Variants in CDC42BPG observed in about 807,000 individuals in gnomAD.
CDC42BPG encodes CDC42 binding protein kinase gamma, also known as serine/threonine-protein kinase MRCK gamma.
In CDC42BPG, 157 loss-of-function variants were observed where a neutral mutation model predicts 192.2. That is an observed-to-expected ratio of 0.82 (90% confidence interval 0.72 to 0.93). CDC42BPG has a LOEUF of 0.93. Among genes scored for constraint, CDC42BPG ranks in the 40% least tolerant of loss-of-function variants. The pLI is 0.00. For synonymous variants in CDC42BPG, 981 were observed against 918.5 expected (o/e 1.07, Z -1.23); for missense variants, 1,992 against 2,122.1 (o/e 0.94, Z 1.20).
Position 64,823,946 on chromosome 11 carries a change from T to C in CDC42BPG, c.*527A>G. On this transcript the variant is annotated 3_prime_UTR_variant, in exon 37 of 37. Coordinates refer to ENST00000342711, the MANE Select transcript of CDC42BPG (RefSeq NM_017525.3). ...CTCCTCCACTTCCTTCCTCCTATCC[T>C]GTCTCTCACCTCCTTCGCCTACATC... is the stretch of plus-strand genomic sequence containing the variant. The C allele has an allele frequency of 5.9e-6, 1 of 168,976 alleles. No individual in the cohort carries two copies. Among genetic ancestry groups the C allele is most frequent in the Non-Finnish European group, 1.3e-5 (1 of 77,614 alleles). 10.5% of individuals were successfully genotyped at this position (168,976 alleles called of 1,614,324 possible).
At position 64,834,919 on chromosome 11, in the gene CDC42BPG, G is replaced by A; in HGVS notation, c.2105C>T (p.Ala702Val). The change falls in exon 18 of 37, where the codon GCC becomes GTC. Residue 702 changes from alanine to valine, a missense_variant. Coordinates refer to ENST00000342711, the MANE Select transcript of CDC42BPG (RefSeq NM_017525.3). ...KVSRGYLQAL[A>V]TKMAEELESL... ...CTCCAGCTCCTCTGCCATCTTGGTG[G>A]CCAGGGCCTGCAGGTAGCCTCTTGA... The A allele has an allele frequency of 1.2e-6, 2 of 1,614,100 alleles. No individual in the cohort carries two copies. The highest frequency in any genetic ancestry group is 1.7e-6 in the Non-Finnish European group (2 of 1,180,026).
At position 64,833,317 on chromosome 11, in the gene CDC42BPG, C is replaced by T. The variant is rs201607802; in HGVS notation, c.2645G>A (p.Arg882His). 8.5e-5 allele frequency: 130 copies of T among 1,533,524 alleles called. No individual in the cohort carries two copies. Among genetic ancestry groups the T allele is most frequent in the Admixed American group, 2.0e-4 (10 of 50,052 alleles). The allele number at this position is 1,533,524 out of a possible 1,614,324, so 95.0% of individuals were successfully genotyped here. A position where few individuals can be genotyped will look rare whatever the true frequency, so the allele number is the denominator to read the frequency against. Residue 882 changes from arginine (R) to histidine (H), a missense_variant, in exon 24 of 37, where the codon CGC (arginine) becomes CAC (histidine). By Grantham distance (29) the Arg-to-His change is conservative. This residue lies in a region of CDC42BPG where 1,656 missense variants were observed against 1,844.3 expected (regional missense o/e 0.90). Coordinates refer to ENST00000342711, the MANE Select transcript of CDC42BPG (RefSeq NM_017525.3). Reference sequence around the variant, plus strand: ...GGTCGGGGATGGGAAGCTCCGGGGGCGCAGCGTGTGTGAGCCGGGCTGGGG... The same window carrying T: ...GGTCGGGGATGGGAAGCTCCGGGGGTGCAGCGTGTGTGAGCCGGGCTGGGG... ...LPAKPGSHTL[R>H]PRSFPSPTKC...
chr11:64,834,732 C>G (rs372027270), intron 18 of CDC42BPG, 117 bp downstream of exon 18: 1 of 1,318,838 alleles, frequency 7.6e-7, no homozygotes. Flanking sequence ...AAATCACTAT[C>G]TCTCATGAGC....
rs777601568 is a variant in CDC42BPG, at chr11:64,839,165, C to T, written c.744G>A (p.Glu248=). Residue 248 remains glutamate (E), a synonymous_variant, in exon 7 of 37, where the codon GAG becomes GAA. Coordinates refer to ENST00000342711, the MANE Select transcript of CDC42BPG (RefSeq NM_017525.3). ...ISPEILQAME[E]GKGHYGPQCD... is the part of the protein sequence containing the mutation. ...ACTGTGGGCCGTAGTGGCCCTTGCCCTCCTCCATGGCCTGCAGGATCTCAG... is the reference window on the plus strand; with the variant it reads ...ACTGTGGGCCGTAGTGGCCCTTGCCTTCCTCCATGGCCTGCAGGATCTCAG... The T allele has an allele frequency of 1.9e-6, 3 of 1,613,502 alleles. No individual in the cohort carries two copies. Among genetic ancestry groups the T allele is most frequent in the Non-Finnish European group, 8.5e-7 (1 of 1,180,048 alleles).
chr11:64,832,279 G>T (rs1942730255), intron 27 of CDC42BPG, 149 bp downstream of exon 27: 1 of 836,972 alleles, frequency 1.2e-6, no homozygotes, highest in African/African-American at 1.7e-5. Flanking sequence ...TCCTAAACGA[G>T]GTGAGACCGG....
In CDC42BPG at chr11:64,831,835, A is replaced by G. The variant is rs531816936; in HGVS notation, c.3088-114T>C. On this transcript the variant is annotated intron_variant, in intron 27 of 36. Coordinates refer to ENST00000342711, the MANE Select transcript of CDC42BPG (RefSeq NM_017525.3). The stretch of plus-strand genomic sequence containing the variant: ...GGGCCTAGCGTGCACTGTCAGCAGC[A>G]GGGAGTAGGCCAGACAGGCAAACAG... 3.2e-5 allele frequency: 29 copies of G among 913,548 alleles called. 1 individual carries two copies. The South Asian group carries it at 4.7e-4, about 15-fold the overall frequency. 56.6% of individuals were successfully genotyped at this position (913,548 alleles called of 1,614,324 possible). A position where few individuals can be genotyped will look rare whatever the true frequency, so the allele number is the denominator to read the frequency against.
chr11:64,837,070 G>T, intron 9 of CDC42BPG, 51 bp from the exon 10 acceptor site: 1 of 1,395,046 alleles, frequency 7.2e-7, no homozygotes, highest in Non-Finnish European at 1.0e-6. Context: ...ACCCCACAGA[G>T]TCTCCTCCAT....
chr11:64,837,082 C>A, intron 9 of CDC42BPG, 63 bp from the exon 10 acceptor site: 1 of 1,312,216 alleles, frequency 7.6e-7, no homozygotes. Context: ...CTCCTCCATC[C>A]TCCTGGACCG....
chr11:64,840,142 G>A lies in CDC42BPG; in HGVS notation c.559C>T (p.His187Tyr). Reference protein sequence around the residue: ...AEMVLAIHSLHQLGYVHRDVK... With the variant: ...AEMVLAIHSLYQLGYVHRDVK... ...CACCTGTGGACATAACCCAGCTGGT[G>A]CAGCGAGTGGATGGCCAGCACCATC... Residue 187 changes from histidine to tyrosine, a missense_variant, in exon 5 of 37, where the codon CAC becomes TAC. Physicochemically the swap from His to Tyr is moderately conservative, Grantham distance 83. This residue lies in a region of CDC42BPG where 1,656 missense variants were observed against 1,844.3 expected (regional missense o/e 0.90). Transcript: ENST00000342711. 6.2e-7 allele frequency: 1 copy of A among 1,612,802 alleles called. No homozygotes were observed. The highest frequency in any genetic ancestry group is 8.5e-7 in the Non-Finnish European group (1 of 1,179,756).
intron 9 of CDC42BPG, 70 bp from the exon 10 acceptor site, chr11:64,837,089 A>G: frequency 7.9e-7 from 1 of 1,265,358 alleles, no homozygotes; most frequent in Non-Finnish European, 1.2e-6. Context: ...ATCCTCCTGG[A>G]CCGAATCACT....
chr11:64,841,960 T>A, intron 1 of CDC42BPG, 56 bp from the exon 2 acceptor site: 23 of 1,410,406 alleles, frequency 1.6e-5, no homozygotes, highest in Non-Finnish European at 2.3e-5. Flanking sequence ...CCATTCCCCC[T>A]CTCACCTTGG....
At chr11:64,839,646 C>T (rs897143379) in intron 5 of CDC42BPG, 75 bp from the exon 6 acceptor site, 4 of 1,233,412 alleles carry the variant, frequency 3.2e-6, no homozygotes, top group South Asian at 1.3e-5. Context: ...CGCCCAGGTG[C>T]ACATGCACGG....
rs200109797 is a variant in CDC42BPG at position 64,835,009 on chromosome 11, G to A, written c.2060+38C>T. The A allele has an allele frequency of 3.2e-3, 5,147 of 1,610,676 alleles. 11 individuals carry two copies. The highest frequency in any genetic ancestry group is 4.1e-3 in the Non-Finnish European group (4,810 of 1,179,244). ...GGTCATGGGCTGGGCCCTCAGTCTC[G>A]CCTGCGTTCCCCACCCCGACCCACC... On this transcript the variant is annotated intron_variant, in intron 17 of 36. Transcript: ENST00000342711.
intron 36 of CDC42BPG, 21 bp from the exon 37 acceptor site, chr11:64,824,550 A>T: frequency 6.3e-7 from 1 of 1,579,378 alleles, no homozygotes; most frequent in South Asian, 1.1e-5. Context: ...AAGAAAAGGA[A>T]GTCAAGGGGT....
intron 9 of CDC42BPG, among the ~76,000 whole-genome samples, chr11:64,837,273 C>T (rs777423253): frequency 4.6e-5 from 7 of 152,208 alleles, no homozygotes; most frequent in Non-Finnish European, 1.0e-4. Context: ...TGTATTTTAC[C>T]CTCAGTTTCC....
At chr11:64,840,051 C>T in intron 5 of CDC42BPG, 69 bp downstream of exon 5, 1 of 1,463,666 alleles carries the variant, frequency 6.8e-7, no homozygotes, top group Admixed American at 1.9e-5. Context: ...CATCAGCTGT[C>T]CCCAGCACAG....
At position 64,832,699 on chromosome 11, in the gene CDC42BPG, A is replaced by G. The variant is rs376530732; in HGVS notation, c.2910T>C (p.Phe970=). ...SGVRRGWQRV[F]AALSDSRLLL... ...GCAGGCGTGAGTCACTCAGGGCAGCAAACACGCGCTGCCAGCCCCGCCGGA... is the reference window on the plus strand; with the variant it reads ...GCAGGCGTGAGTCACTCAGGGCAGCGAACACGCGCTGCCAGCCCCGCCGGA... Residue 970 remains phenylalanine, a synonymous_variant, in exon 26 of 37, where the codon TTT becomes TTC. Coordinates refer to ENST00000342711, the MANE Select transcript of CDC42BPG (RefSeq NM_017525.3). 9.7e-5 allele frequency: 157 copies of G among 1,612,676 alleles called. No homozygotes were observed. The highest frequency in any genetic ancestry group is 6.9e-4 in the East Asian group (31 of 44,846).
chr11:64,829,331 G>T (rs1942573929), intron 30 of CDC42BPG, 140 bp downstream of exon 30: 2 of 1,066,048 alleles, frequency 1.9e-6, no homozygotes, highest in African/African-American at 1.6e-5. Context: ...CAGAGGGTGG[G>T]ACAGGGTGTT....
Position 64,835,895 on chromosome 11 carries a change from G to A in CDC42BPG, c.1669-44C>T, listed in dbSNP as rs530894229. Reference sequence around the variant, plus strand: ...CAGGCCACTGCCAACTCTGCCCTCGGCAGCCCCTCTGCCCACCTTACCATG... The same window carrying A: ...CAGGCCACTGCCAACTCTGCCCTCGACAGCCCCTCTGCCCACCTTACCATG... On this transcript the variant is annotated intron_variant, in intron 13 of 36. Transcript: ENST00000342711. The A allele has an allele frequency of 8.4e-6, 13 of 1,544,458 alleles. No homozygotes were observed. In the Admixed American group the frequency reaches 2.0e-4, roughly 24 times the overall value.
Sources: allele counts gnomAD v4.1 joint callset (sites outside exome capture counted in the v4.1 genomes callset), GRCh38; gene constraint gnomAD v4.1.1; regional missense constraint gnomAD v4.1.1; transcripts MANE v1.5; gene names NCBI Gene and HGNC (gene_info 2026-07-23, HGNC 2026-07-21).